RORA: variants seen among roughly 807,000 people sequenced by gnomAD.
RORA encodes the protein RAR related orphan receptor A.
In RORA, 7 loss-of-function variants were observed where a neutral mutation model predicts 69.5. That is an observed-to-expected ratio of 0.10 (90% CI 0.06 to 0.19). The LOEUF (loss-of-function observed/expected upper bound fraction) is 0.19. Ranked by LOEUF, RORA falls within the 10% of genes least tolerant of loss-of-function variation. RORA has a pLI of 1.00. For missense variants in RORA, 457 were observed against 663.0 expected (o/e 0.69, Z 3.41); for synonymous variants, 261 against 240.8 (o/e 1.08, Z -0.78).
At chr15:61,047,788 A>C (rs926646786) in intron 1 of RORA, among the ~76,000 whole-genome samples, 1 of 152,242 alleles carries the variant, frequency 6.6e-6, no homozygotes, top group Non-Finnish European at 1.5e-5. Context: ...CAGAAAGAGA[A>C]GCAGAGGAAG....
chr15:60,528,600 A>G (rs1489974356), intron 3 of RORA: 4 of 152,142 alleles, frequency 2.6e-5, no homozygotes, highest in Non-Finnish European at 4.4e-5. Context: ...ACACATTGCA[A>G]ATGGTCACAA....
chr15:60,901,666 G>T (rs866307264), intron 1 of RORA, among the ~76,000 whole-genome samples: 9 of 152,078 alleles, frequency 5.9e-5, no homozygotes, highest in African/African-American at 9.6e-5. Flanking sequence ...TTAAATAATC[G>T]TAAGTGCTTA....
At chr15:61,089,594 T>C (rs1379315581) in intron 1 of RORA, among the ~76,000 whole-genome samples, 1 of 152,162 alleles carries the variant, frequency 6.6e-6, no homozygotes, top group East Asian at 1.9e-4. Context: ...AAAAGGTCTC[T>C]AGACAGAAGA....
chr15:61,088,071 C>T (rs890727074), intron 1 of RORA, among the ~76,000 whole-genome samples: 2 of 152,206 alleles, frequency 1.3e-5, no homozygotes, highest in African/African-American at 4.8e-5. Context: ...GTTATCAAGG[C>T]CTGAATGTGC....
At chr15:60,926,753 T>C (rs1385781739) in intron 1 of RORA, among the ~76,000 whole-genome samples, 1 of 152,210 alleles carries the variant, frequency 6.6e-6, no homozygotes, top group Non-Finnish European at 1.5e-5. Flanking sequence ...ATGAATGAAA[T>C]ATCCCGCATC....
At chr15:61,037,638 C>G (rs989644643) in intron 1 of RORA, among the ~76,000 whole-genome samples, 17 of 152,162 alleles carry the variant, frequency 1.1e-4, no homozygotes, top group Non-Finnish European at 2.1e-4. Context: ...ATTCAATGAG[C>G]ATTTATTGAA....
intron 1 of RORA, among the ~76,000 whole-genome samples, chr15:60,917,535 T>C (rs1412721980): frequency 6.6e-6 from 1 of 152,152 alleles, no homozygotes; most frequent in African/African-American, 2.4e-5. Context: ...TCCCACTTTT[T>C]CCCTCTGGAA....
intron 1 of RORA, among the ~76,000 whole-genome samples, chr15:60,845,304 C>T (rs983948902): frequency 2.6e-5 from 4 of 152,172 alleles, no homozygotes; most frequent in East Asian, 1.9e-4. Context: ...TTCAGCATCA[C>T]GGTATTCTGA....
chr15:61,040,237 G>A (rs1896694508), intron 1 of RORA, among the ~76,000 whole-genome samples: 2 of 146,706 alleles, frequency 1.4e-5, no homozygotes, highest in Admixed American at 6.8e-5. Flanking sequence ...ATAGGTAGGT[G>A]GTATATGGGA....
At chr15:60,699,683 C>T (rs1435351611) in intron 1 of RORA, among the ~76,000 whole-genome samples, 2 of 152,160 alleles carry the variant, frequency 1.3e-5, no homozygotes. Context: ...ATAAGAGAAG[C>T]ACAGTACTGT....
intron 1 of RORA, among the ~76,000 whole-genome samples, chr15:61,043,705 ATATACT>A (rs1357588446): frequency 6.6e-6 from 1 of 152,182 alleles, no homozygotes; most frequent in Non-Finnish European, 1.5e-5. Context: ...GTACCTTCTA[ATATACT>A]TATAAAAGCA....
At chr15:60,826,766 CCT>C (rs572975247) in intron 1 of RORA, among the ~76,000 whole-genome samples, 1,355 of 125,994 alleles carry the variant, frequency 0.011, 17 homozygotes, top group African/African-American at 0.031. Flanking sequence ...TCTCTCTCTC[CCT>C]CTCTCTCTCT....
At position 61,125,296 on chromosome 15, in the gene RORA, T is replaced by C. The variant is rs182708467; in HGVS notation, c.166+103757A>G. Among the ~76,000 whole-genome samples the C allele has an allele frequency of 1.1e-4, 17 of 152,350 alleles. No homozygotes were observed. The East Asian group carries it at 3.3e-3, about 29-fold the overall frequency. ...CCCTACACATGTTTATGGAATCTTA[T>C]GGTGTTTGGGTATTATCCTTGTTAT... On this transcript the variant is annotated intron_variant, in intron 1 of 10. Transcript: ENST00000335670.
intron 1 of RORA, among the ~76,000 whole-genome samples, chr15:61,111,940 T>G (rs1294331184): frequency 1.3e-5 from 2 of 152,224 alleles, no homozygotes; most frequent in Non-Finnish European, 2.9e-5. Context: ...TTCATTCAAT[T>G]CAACTAATTT....
intron 1 of RORA, among the ~76,000 whole-genome samples, chr15:60,899,661 T>C (rs1891330689): frequency 6.6e-6 from 1 of 152,144 alleles, no homozygotes; most frequent in Admixed American, 6.5e-5. Context: ...GCAAAAAGCC[T>C]TTTCACCACA....
At chr15:61,127,597 C>T (rs1010595261) in intron 1 of RORA, among the ~76,000 whole-genome samples, 4 of 152,226 alleles carry the variant, frequency 2.6e-5, no homozygotes, top group African/African-American at 9.6e-5. Flanking sequence ...GCAATCAACA[C>T]CAAGTATGCA....
chr15:60,879,054 G>T lies in RORA; in HGVS notation c.167-200368C>A, dbSNP rs184567783. 1.9e-3 allele frequency among the ~76,000 whole-genome samples: 283 copies of T among 152,228 alleles called. 3 individuals carry two copies. Among genetic ancestry groups the T allele is most frequent in the Middle Eastern group, 3.4e-3 (1 of 294 alleles). Reference sequence around the variant, plus strand: ...TTGGAGTCATGATTTCTAAAATCTGGCTGGCCTTGGTCTTCTTGGCTCCCA... The same window carrying T: ...TTGGAGTCATGATTTCTAAAATCTGTCTGGCCTTGGTCTTCTTGGCTCCCA... On this transcript the variant is annotated intron_variant, in intron 1 of 10. Coordinates refer to ENST00000335670, the MANE Select transcript of RORA (RefSeq NM_134261.3).
chr15:60,681,648 G>T (rs1231428313), intron 1 of RORA: 1 of 152,172 alleles, frequency 6.6e-6, no homozygotes, highest in Non-Finnish European at 1.5e-5. Context: ...ATGTGTGCCT[G>T]GGTTTGTTAC....
chr15:60,597,607 T>TATAC (rs2068720001), intron 2 of RORA, among the ~76,000 whole-genome samples: 1 of 45,356 alleles, frequency 2.2e-5, no homozygotes, highest in Non-Finnish European at 3.9e-5. Context: ...CATATATATA[T>TATAC]ATATATATAT....
Sources: allele counts gnomAD v4.1 joint callset (sites outside exome capture counted in the v4.1 genomes callset), GRCh38; gene constraint gnomAD v4.1.1; transcripts MANE v1.5; gene names NCBI Gene and HGNC (gene_info 2026-07-23, HGNC 2026-07-21).